Variants in VAV2 observed in about 807,000 individuals in gnomAD.
VAV2 encodes the protein guanine nucleotide exchange factor VAV2.
A neutral mutation model predicts 132.5 loss-of-function variants in VAV2; 67 were observed. The observed-to-expected ratio is 0.51, with a 90% CI of 0.42 to 0.62. The LOEUF (loss-of-function observed/expected upper bound fraction) is 0.62, where lower values mean the gene tolerates loss of function less well. Among genes scored for constraint, VAV2 ranks in the 20% least tolerant of loss-of-function variants. The pLI, the probability that VAV2 is intolerant of heterozygous loss-of-function variation, is 0.00. For missense variants in VAV2, 938 were observed against 1,153.6 expected (o/e 0.81, Z 2.71); for synonymous variants, 492 against 443.5 (o/e 1.11, Z -1.37).
intron 29 of VAV2, among the ~76,000 whole-genome samples, chr9:133,765,438 T>C (rs1229765324): frequency 6.6e-6 from 1 of 152,196 alleles, no homozygotes. Context: ...CATTGTGGTG[T>C]TCCCAATGGA....
intron 2 of VAV2, among the ~76,000 whole-genome samples, chr9:133,894,174 C>T (rs948935764): frequency 4.6e-5 from 7 of 152,228 alleles, no homozygotes; most frequent in East Asian, 1.9e-4. Context: ...CCACCATGTC[C>T]GCTCTAAAGT....
intron 1 of VAV2, among the ~76,000 whole-genome samples, chr9:133,953,261 T>C (rs1841629516): frequency 6.6e-6 from 1 of 152,226 alleles, no homozygotes; most frequent in African/African-American, 2.4e-5. Context: ...GCAACTCCGG[T>C]GGCCAGCTGG....
intron 2 of VAV2, among the ~76,000 whole-genome samples, chr9:133,931,847 G>A (rs1390839691): frequency 2.0e-5 from 3 of 152,188 alleles, no homozygotes; most frequent in South Asian, 2.1e-4. Flanking sequence ...ACCTGGGGAG[G>A]GAGGACAGCG....
In VAV2 at chr9:133,986,573, C is replaced by T. The variant is rs571535032; in HGVS notation, c.204+5502G>A. ...TGCTGTGGTTACAGAGGAGAATGCCCTTGTTTGCAGTAAACGCACTGATGC... is the reference window on the plus strand; with the variant it reads ...TGCTGTGGTTACAGAGGAGAATGCCTTTGTTTGCAGTAAACGCACTGATGC... On this transcript the variant is annotated intron_variant, in intron 1 of 29. Transcript: ENST00000371850. Among the ~76,000 whole-genome samples, 43 of 152,326 alleles carry T rather than the reference C, an allele frequency of 2.8e-4. 1 individual carries two copies. The South Asian group carries it at 8.7e-3, about 31-fold the overall frequency.
chr9:133,867,438 CG>C (rs1200562480), intron 2 of VAV2, among the ~76,000 whole-genome samples: 1 of 152,224 alleles, frequency 6.6e-6, no homozygotes, highest in Admixed American at 6.5e-5. Flanking sequence ...AAGGGTGCCA[CG>C]TGCTCTGAAA....
chr9:133,902,400 C>T (rs1839479680), intron 2 of VAV2, among the ~76,000 whole-genome samples: 1 of 152,228 alleles, frequency 6.6e-6, no homozygotes, highest in Non-Finnish European at 1.5e-5. Flanking sequence ...ACCACATCCC[C>T]AGATTTGCGG....
chr9:133,803,190 C>A (rs1038549802), intron 9 of VAV2, among the ~76,000 whole-genome samples: 1 of 152,174 alleles, frequency 6.6e-6, no homozygotes, highest in African/African-American at 2.4e-5. Flanking sequence ...TCTCCACATA[C>A]GCAGGGAGAT....
At chr9:133,979,937 T>C (rs1462086197) in intron 1 of VAV2, among the ~76,000 whole-genome samples, 1 of 152,210 alleles carries the variant, frequency 6.6e-6, no homozygotes, top group Non-Finnish European at 1.5e-5. Flanking sequence ...TCTTCCTCTC[T>C]CCATTCATCC....
intron 1 of VAV2, among the ~76,000 whole-genome samples, chr9:133,989,206 C>T (rs7021311): frequency 0.68 from 103,993 of 151,922 alleles, 35,929 homozygotes; most frequent in East Asian, 0.87. Context: ...GGCATGGTGG[C>T]GCATGCCTGT....
chr9:133,967,384 C>T (rs1842177775), intron 1 of VAV2, among the ~76,000 whole-genome samples: 1 of 152,164 alleles, frequency 6.6e-6, no homozygotes, highest in South Asian at 2.1e-4. Context: ...TCTGCCTGAT[C>T]CAGCAATCCT....
chr9:133,791,989 G>A (rs61544450), intron 12 of VAV2, 120 bp from the exon 13 acceptor site: 2 of 214,370 alleles, frequency 9.3e-6, no homozygotes, highest in Non-Finnish European at 1.5e-5. Flanking sequence ...GCTGGGTGGG[G>A]GGTGTGTGAC....
chr9:133,771,062 C>CTTTTT (rs148597917), intron 26 of VAV2, among the ~76,000 whole-genome samples: 4 of 117,700 alleles, frequency 3.4e-5, no homozygotes, highest in Admixed American at 9.2e-5. Flanking sequence ...TATGGATTTT[C>CTTTTT]TTTTTTTTTT....
intron 2 of VAV2, among the ~76,000 whole-genome samples, chr9:133,870,406 A>C (rs1837980770): frequency 6.6e-6 from 1 of 152,242 alleles, no homozygotes; most frequent in African/African-American, 2.4e-5. Flanking sequence ...CTTACAAAGA[A>C]GATCAGGGCT....
In VAV2 at chr9:133,911,367, G is replaced by A. The variant is rs113826929; in HGVS notation, c.321+27736C>T. ...CACACAGCCTGCACACGTGAAATGC[G>A]GCTGGTGAGACTAAGACCTTGACGT... On this transcript the variant is annotated intron_variant, in intron 2 of 29. Transcript: ENST00000371850. 3.3e-3 allele frequency among the ~76,000 whole-genome samples: 508 copies of A among 152,278 alleles called. 3 individuals carry two copies. Among genetic ancestry groups the A allele is most frequent in the African/African-American group, 0.012 (479 of 41,540 alleles).
intron 2 of VAV2, among the ~76,000 whole-genome samples, chr9:133,908,739 C>T (rs755279373): frequency 9.9e-5 from 15 of 152,264 alleles, no homozygotes; most frequent in East Asian, 1.9e-4. Context: ...CCCTTGCCAG[C>T]GCTGCACCCC....
rs543022229 is a variant in VAV2, at chr9:133,918,849, C to T, written c.321+20254G>A. Among the ~76,000 whole-genome samples the T allele has an allele frequency of 6.8e-4, 104 of 152,166 alleles. No homozygotes were observed. Among genetic ancestry groups the T allele is most frequent in the African/African-American group, 2.4e-3 (98 of 41,514 alleles). ...GAAGTGCAGTGGTGCGATCTCGGCT[C>T]ACTGCAACCTCCGCCTCCTGGGTTC... On this transcript the variant is annotated intron_variant, in intron 2 of 29. Transcript: ENST00000371850. The surrounding 1 kb of genome is among the most constrained non-coding windows in gnomAD (Gnocchi z 4.7).
intron 2 of VAV2, among the ~76,000 whole-genome samples, chr9:133,907,974 C>T (rs1320341524): frequency 8.5e-6 from 1 of 117,272 alleles, no homozygotes; most frequent in African/African-American, 3.3e-5. Context: ...TCTGAAGGCG[C>T]CCCTCCCACC....
chr9:133,850,270 G>A (rs1414246555), intron 3 of VAV2, among the ~76,000 whole-genome samples: 1 of 152,190 alleles, frequency 6.6e-6, no homozygotes, highest in Non-Finnish European at 1.5e-5. Context: ...TTAACCCTGA[G>A]CCTCCGGGTC....
At chr9:133,828,963 T>C (rs115299088) in intron 4 of VAV2, among the ~76,000 whole-genome samples, 5,493 of 152,290 alleles carry the variant, frequency 0.036, 202 homozygotes, top group African/African-American at 0.082. Context: ...TCTGAGAAGC[T>C]TTCCTTGCTT....
Sources: allele counts gnomAD v4.1 joint callset (sites outside exome capture counted in the v4.1 genomes callset), GRCh38; gene constraint gnomAD v4.1.1; non-coding constraint Gnocchi (gnomAD v3.1); transcripts MANE v1.5; gene names NCBI Gene and HGNC (gene_info 2026-07-23, HGNC 2026-07-21).